MGAT5: variants seen among roughly 807,000 people sequenced by gnomAD.
MGAT5 encodes the protein alpha-1,6-mannosylglycoprotein 6-beta-N-acetylglucosaminyltransferase A.
In MGAT5, 30 loss-of-function variants were observed where a neutral mutation model predicts 94.3. The ratio of observed to expected loss-of-function variants is 0.32; its 90% confidence interval spans 0.24 to 0.43. MGAT5 has a LOEUF of 0.43. Among genes scored for constraint, MGAT5 ranks in the 20% least tolerant of loss-of-function variants. The pLI is 1.00. For synonymous variants in MGAT5, 310 were observed against 322.9 expected (o/e 0.96, Z 0.43); for missense variants, 691 against 905.5 (o/e 0.76, Z 3.04).
rs1519304 is a variant in MGAT5 at position 134,181,818 on chromosome 2, C to A, written c.-143+61527C>A. 5.3e-5 allele frequency among the ~76,000 whole-genome samples: 8 copies of A among 152,164 alleles called. No individual in the cohort carries two copies. In the East Asian group the frequency reaches 1.5e-3, roughly 29 times the overall value. On this transcript the variant is annotated intron_variant, in intron 1 of 16. Transcript: ENST00000409645. ...TGCACATGGACTCAGCTCCACACTT[C>A]GCCTTGAGTAAATTCCTGTTTAGAA...
chr2:134,388,438 A>T (rs2106238716), intron 10 of MGAT5, among the ~76,000 whole-genome samples: 1 of 134,474 alleles, frequency 7.4e-6, no homozygotes, highest in East Asian at 2.1e-4. Flanking sequence ...GAAGATCTTT[A>T]AAAAAAAAAC....
At chr2:134,255,968 A>ATG (rs890044081) in intron 1 of MGAT5, among the ~76,000 whole-genome samples, 47 of 148,826 alleles carry the variant, frequency 3.2e-4, no homozygotes, top group African/African-American at 1.1e-3. Flanking sequence ...ACGTATGTGT[A>ATG]TGTGTGTGTG....
intron 1 of MGAT5, among the ~76,000 whole-genome samples, chr2:134,135,098 G>GT (rs1686344876): frequency 6.6e-6 from 1 of 152,128 alleles, no homozygotes; most frequent in Non-Finnish European, 1.5e-5. Context: ...TTTTAGAGTG[G>GT]TCTGGCCCAG....
chr2:134,300,657 A>C (rs1381588894), intron 2 of MGAT5, among the ~76,000 whole-genome samples: 1 of 152,172 alleles, frequency 6.6e-6, no homozygotes, highest in Non-Finnish European at 1.5e-5. Flanking sequence ...AACCAAACTA[A>C]AGAGATGGAC....
chr2:134,407,335 A>AGTG (rs1683400069), intron 11 of MGAT5, among the ~76,000 whole-genome samples: 2 of 152,200 alleles, frequency 1.3e-5, no homozygotes, highest in South Asian at 4.1e-4. Flanking sequence ...AGCATACTTC[A>AGTG]AGTCATTCCC....
At chr2:134,292,443 C>T (rs191354621) in intron 2 of MGAT5, among the ~76,000 whole-genome samples, 261 of 152,220 alleles carry the variant, frequency 1.7e-3, no homozygotes, top group Admixed American at 2.9e-3. Context: ...CTCTTCAATC[C>T]GACAGGGTGC....
At chr2:134,396,445 CTT>C (rs1682715846) in intron 10 of MGAT5, among the ~76,000 whole-genome samples, 1 of 152,028 alleles carries the variant, frequency 6.6e-6, no homozygotes, top group Non-Finnish European at 1.5e-5. Context: ...CTCTCTTTTT[CTT>C]TTTTGTTTGC....
At chr2:134,145,210 C>CTGTGTGTGTG (rs1413599821) in intron 1 of MGAT5, among the ~76,000 whole-genome samples, 3 of 95,978 alleles carry the variant, frequency 3.1e-5, no homozygotes, top group African/African-American at 1.9e-4. Context: ...GTGTGTCTCT[C>CTGTGTGTGTG]TCTCTGTGTG....
At chr2:134,196,228 G>T (rs1465647973) in intron 1 of MGAT5, among the ~76,000 whole-genome samples, 6 of 152,170 alleles carry the variant, frequency 3.9e-5, no homozygotes, top group East Asian at 3.9e-4. Context: ...GTGGAGCATA[G>T]AATTAATTGG....
intron 1 of MGAT5, among the ~76,000 whole-genome samples, chr2:134,121,261 G>A (rs1027426017): frequency 6.6e-6 from 1 of 152,236 alleles, no homozygotes; most frequent in Non-Finnish European, 1.5e-5. Flanking sequence ...GTGGCCAGAG[G>A]CCTGGAGCGC....
intron 1 of MGAT5, among the ~76,000 whole-genome samples, chr2:134,161,917 G>A (rs551283201): frequency 2.8e-4 from 42 of 152,194 alleles, no homozygotes; most frequent in East Asian, 1.9e-3. Flanking sequence ...TTGGCCGGGC[G>A]CAGTGGCTCA....
intron 1 of MGAT5, among the ~76,000 whole-genome samples, chr2:134,228,961 G>A (rs1681210347): frequency 1.3e-5 from 2 of 152,144 alleles, no homozygotes; most frequent in Non-Finnish European, 2.9e-5. Flanking sequence ...GAGGGATAGT[G>A]GTTACTCCTT....
At chr2:134,381,075 T>C (rs1681510252) in intron 10 of MGAT5, among the ~76,000 whole-genome samples, 1 of 151,992 alleles carries the variant, frequency 6.6e-6, no homozygotes, top group South Asian at 2.1e-4. Context: ...TCCTTGCATA[T>C]AGAAGAGCCC....
chr2:134,263,025 G>A (rs1683437310), intron 1 of MGAT5, among the ~76,000 whole-genome samples: 1 of 152,154 alleles, frequency 6.6e-6, no homozygotes, highest in Admixed American at 6.5e-5. Context: ...TTCACCTTTG[G>A]ATCTAACCAG....
intron 10 of MGAT5, among the ~76,000 whole-genome samples, chr2:134,363,488 T>G (rs757303898): frequency 8.5e-5 from 13 of 152,238 alleles, no homozygotes; most frequent in Non-Finnish European, 1.6e-4. Flanking sequence ...CTTTGTTTAG[T>G]ACAGTAGTTC....
intron 11 of MGAT5, among the ~76,000 whole-genome samples, chr2:134,409,856 G>A (rs929091296): frequency 1.3e-5 from 2 of 152,168 alleles, no homozygotes; most frequent in South Asian, 2.1e-4. Context: ...TGAAGAAAAC[G>A]TATGGTGCCT....
In MGAT5 at chr2:134,281,965, G is replaced by A. The variant is rs946223983; in HGVS notation, c.406+11415G>A. 1.6e-4 allele frequency among the ~76,000 whole-genome samples: 25 copies of A among 152,196 alleles called. 1 individual carries two copies. The highest frequency in any genetic ancestry group is 5.8e-4 in the African/African-American group (24 of 41,440). On this transcript the variant is annotated intron_variant, in intron 2 of 15. Coordinates refer to ENST00000281923, the MANE Select transcript of MGAT5 (RefSeq NM_002410.5). ...GAAGCTGTATCTGATGGTATCTGAG[G>A]TTGAAACACAGTGAACCTCTTGGCA...
At chr2:134,135,577 A>G (rs181216430) in intron 1 of MGAT5, among the ~76,000 whole-genome samples, 1,531 of 150,992 alleles carry the variant, frequency 0.01, 13 homozygotes, top group Middle Eastern at 0.045. Context: ...CTGTAGTCCC[A>G]GCTACTTGGG....
At chr2:134,235,690 C>A (rs1681602684) in intron 1 of MGAT5, among the ~76,000 whole-genome samples, 1 of 150,980 alleles carries the variant, frequency 6.6e-6, no homozygotes, top group Non-Finnish European at 1.5e-5. Flanking sequence ...TCCTGCTGTA[C>A]TGCTGTAGGG....
Sources: gnomAD v4.1 joint callset for allele counts (sites outside exome capture counted in the v4.1 genomes callset) on GRCh38, gnomAD v4.1.1 for gene constraint, MANE v1.5 for transcripts, NCBI Gene and HGNC (gene_info 2026-07-23, HGNC 2026-07-21) for gene names.